CNTNAP2: variants seen among roughly 807,000 people sequenced by gnomAD.
CNTNAP2 encodes contactin associated protein 2, also known as contactin-associated protein-like 2.
A neutral mutation model predicts 155.2 loss-of-function variants in CNTNAP2; 98 were observed. The observed-to-expected ratio is 0.63, with a 90% CI of 0.54 to 0.75. The LOEUF is 0.75. Among genes scored for constraint, CNTNAP2 ranks in the 30% least tolerant of loss-of-function variants. CNTNAP2 has a pLI of 0.00. For synonymous variants in CNTNAP2, 651 were observed against 631.2 expected (o/e 1.03, Z -0.47); for missense variants, 1,727 against 1,688.1 (o/e 1.02, Z -0.40).
At chr7:148,080,604 C>CAAAAAAA (rs199500286) in intron 15 of CNTNAP2, among the ~76,000 whole-genome samples, 1 of 69,714 alleles carries the variant, frequency 1.4e-5, no homozygotes, top group African/African-American at 5.8e-5. Context: ...GACTCCATCT[C>CAAAAAAA]AAAAAAAAAA....
chr7:147,750,513 C>CT (rs1797116693), intron 13 of CNTNAP2, among the ~76,000 whole-genome samples: 1 of 152,044 alleles, frequency 6.6e-6, no homozygotes, highest in African/African-American at 2.4e-5. Context: ...ATTGCATTTA[C>CT]TTTTTAAAAA....
chr7:147,780,056 AG>A (rs1797640892), intron 13 of CNTNAP2, among the ~76,000 whole-genome samples: 1 of 152,208 alleles, frequency 6.6e-6, no homozygotes, highest in South Asian at 2.1e-4. Context: ...ATGATTTTCA[AG>A]GGATCTTTTG....
chr7:146,249,665 T>C (rs1250987546), intron 1 of CNTNAP2, among the ~76,000 whole-genome samples: 1 of 152,234 alleles, frequency 6.6e-6, no homozygotes. Context: ...GTTGCTTTTC[T>C]TATTTCCACA....
intron 1 of CNTNAP2, among the ~76,000 whole-genome samples, chr7:146,329,805 A>G (rs1245049565): frequency 6.6e-6 from 1 of 152,162 alleles, no homozygotes; most frequent in Admixed American, 6.5e-5. Flanking sequence ...CATTCTATGT[A>G]CAACTGTGGT....
intron 10 of CNTNAP2, among the ~76,000 whole-genome samples, chr7:147,484,825 A>T (rs1286676096): frequency 6.6e-6 from 1 of 152,240 alleles, no homozygotes; most frequent in Non-Finnish European, 1.5e-5. Context: ...GTCCTTTGCC[A>T]GTGACCCATG....
intron 3 of CNTNAP2, among the ~76,000 whole-genome samples, chr7:147,028,735 A>G (rs1246286701): frequency 6.6e-6 from 1 of 152,190 alleles, no homozygotes; most frequent in African/African-American, 2.4e-5. Context: ...GTCAGAAAAT[A>G]AATCTAGGTA....
At chr7:147,582,374 G>A (rs1158884655) in intron 12 of CNTNAP2, among the ~76,000 whole-genome samples, 1 of 152,074 alleles carries the variant, frequency 6.6e-6, no homozygotes, top group African/African-American at 2.4e-5. Context: ...AGGTTATAAG[G>A]GGGATGAGAG....
At chr7:146,949,367 C>T (rs11983087) in intron 3 of CNTNAP2, among the ~76,000 whole-genome samples, 55,441 of 152,034 alleles carry the variant, frequency 0.36, 10,624 homozygotes, top group Middle Eastern at 0.43. Context: ...TGAACTACAT[C>T]GGTACTTCAG....
intron 1 of CNTNAP2, among the ~76,000 whole-genome samples, chr7:146,469,192 C>T (rs1019403479): frequency 6.6e-6 from 1 of 152,118 alleles, no homozygotes; most frequent in African/African-American, 2.4e-5. Context: ...CTTTGGGGTT[C>T]CCTGAGAGTC....
chr7:147,282,161 A>G (rs1279294237), intron 8 of CNTNAP2, among the ~76,000 whole-genome samples: 1 of 151,876 alleles, frequency 6.6e-6, no homozygotes, highest in African/African-American at 2.4e-5. Context: ...GGGAGATTTG[A>G]TAGTGGGCAT....
At chr7:147,507,622 G>T (rs866373146) in intron 11 of CNTNAP2, among the ~76,000 whole-genome samples, 4 of 131,876 alleles carry the variant, frequency 3.0e-5, no homozygotes, top group African/African-American at 8.8e-5. Flanking sequence ...GGGCAATCTC[G>T]GCTCACTGCA....
At chr7:147,117,378 C>A (rs1317652510) in intron 5 of CNTNAP2, among the ~76,000 whole-genome samples, 2 of 152,078 alleles carry the variant, frequency 1.3e-5, no homozygotes, top group Non-Finnish European at 2.9e-5. Flanking sequence ...TCACTGCTTC[C>A]CTTGGCAGGG....
At chr7:147,743,489 T>G (rs1386547442) in intron 13 of CNTNAP2, among the ~76,000 whole-genome samples, 2 of 152,180 alleles carry the variant, frequency 1.3e-5, no homozygotes, top group Non-Finnish European at 2.9e-5. Flanking sequence ...ATTCCTTATC[T>G]TCCCAATTAA....
chr7:146,719,631 A>G (rs1002349369), intron 1 of CNTNAP2, among the ~76,000 whole-genome samples: 3 of 151,962 alleles, frequency 2.0e-5, no homozygotes, highest in African/African-American at 4.8e-5. Context: ...CTATCTTTAC[A>G]TATTCTTTCT....
chr7:148,336,990 G>A (rs900967961), intron 21 of CNTNAP2, among the ~76,000 whole-genome samples: 1 of 148,680 alleles, frequency 6.7e-6, no homozygotes, highest in African/African-American at 2.5e-5. Context: ...CTCTCCCAGG[G>A]GTAGCTGTAA....
At chr7:146,757,988 C>T (rs752166888) in intron 1 of CNTNAP2, among the ~76,000 whole-genome samples, 4 of 152,062 alleles carry the variant, frequency 2.6e-5, no homozygotes, top group Non-Finnish European at 5.9e-5. Flanking sequence ...CTGGGAATCT[C>T]CTCTCTGAGA....
At chr7:147,515,650 C>A (rs552137431) in intron 11 of CNTNAP2, among the ~76,000 whole-genome samples, 2 of 152,178 alleles carry the variant, frequency 1.3e-5, no homozygotes, top group Admixed American at 1.3e-4. Flanking sequence ...GCATCTTTTG[C>A]TTATTTGTGT....
intron 3 of CNTNAP2, among the ~76,000 whole-genome samples, chr7:146,907,260 G>C (rs1350728592): frequency 3.4e-5 from 5 of 147,736 alleles, no homozygotes. Context: ...CCCCAATCTA[G>C]CAAGGCAGGC....
At chr7:147,474,114 T>C (rs1051910006) in intron 10 of CNTNAP2, among the ~76,000 whole-genome samples, 4 of 151,534 alleles carry the variant, frequency 2.6e-5, no homozygotes, top group Admixed American at 1.3e-4. Context: ...AAATAAAAAA[T>C]AAAGTTTTGT....
Sources: allele counts gnomAD v4.1 joint callset (sites outside exome capture counted in the v4.1 genomes callset), GRCh38; gene constraint gnomAD v4.1.1; transcripts MANE v1.5; gene names NCBI Gene and HGNC (gene_info 2026-07-23, HGNC 2026-07-21).